The following DMTF1 variants were observed in gnomAD, a reference collection of about 807,000 sequenced individuals.
DMTF1 encodes the protein cyclin-D-binding Myb-like transcription factor 1.
DMTF1 carries 39 observed loss-of-function variants against 91.1 expected under a neutral mutation model. The observed-to-expected ratio is 0.43, with a 90% CI of 0.33 to 0.56. The LOEUF (loss-of-function observed/expected upper bound fraction) is 0.56, where lower values mean the gene tolerates loss of function less well. DMTF1 is among the 20% of genes least tolerant of loss of function. The probability of loss-of-function intolerance (pLI) is 0.05; values close to 1 mark genes in which losing one functional copy is unlikely to be tolerated. For synonymous variants in DMTF1, 338 were observed against 309.5 expected (o/e 1.09, Z -0.97); for missense variants, 750 against 914.5 (o/e 0.82, Z 2.32).
At chr7:87,176,284 C>G (rs1000132908) in intron 7 of DMTF1, among the ~76,000 whole-genome samples, 4 of 152,202 alleles carry the variant, frequency 2.6e-5, no homozygotes, top group African/African-American at 9.7e-5. Context: ...AACAGAAATA[C>G]AGTGGCCATT....
At chr7:87,185,709 C>CACGGGAA in intron 11 of DMTF1, 120 bp from the exon 12 acceptor site, 1 of 1,093,514 alleles carries the variant, frequency 9.1e-7, no homozygotes, top group Non-Finnish European at 1.4e-6. Context: ...TTAACAATAG[C>CACGGGAA]ATCTCATTGG....
At chr7:87,166,341 T>C in intron 3 of DMTF1, 142 bp from the exon 4 acceptor site, 1 of 750,256 alleles carries the variant, frequency 1.3e-6, no homozygotes, top group Admixed American at 2.9e-5. Flanking sequence ...TTTTGAATCC[T>C]GTTTGCACAA....
At position 87,193,317 on chromosome 7, in the gene DMTF1, T is replaced by A; in HGVS notation, c.1614T>A (p.Pro538=). Residue 538 remains proline (P), a synonymous_variant, in exon 15 of 18, where the codon CCT becomes CCA. Coordinates refer to ENST00000331242, the MANE Select transcript of DMTF1 (RefSeq NM_001142327.2). ...CAGTAACCCTGACAGCTGCTGCTCCTGCTTCTCCTGAACAGATTATTGTTC... is the reference window on the plus strand; with the variant it reads ...CAGTAACCCTGACAGCTGCTGCTCCAGCTTCTCCTGAACAGATTATTGTTC... ...SPTVTLTAAA[P]ASPEQIIVHA... 1 of 1,613,444 alleles carries A rather than the reference T, an allele frequency of 6.2e-7. No individual in the cohort carries two copies. Among genetic ancestry groups the A allele is most frequent in the Non-Finnish European group, 8.5e-7 (1 of 1,179,562 alleles).
At chr7:87,189,349 C>T (rs892893683) in intron 13 of DMTF1, among the ~76,000 whole-genome samples, 1 of 152,080 alleles carries the variant, frequency 6.6e-6, no homozygotes, top group African/African-American at 2.4e-5. Flanking sequence ...ATCTTTCTAC[C>T]AGTGTAATCA....
chr7:87,186,098 C>A, intron 12 of DMTF1, 118 bp downstream of exon 12: 1 of 1,034,134 alleles, frequency 9.7e-7, no homozygotes, highest in East Asian at 2.4e-5. Context: ...TTTCTACTTA[C>A]ACCACTTCCC....
intron 8 of DMTF1, among the ~76,000 whole-genome samples, chr7:87,180,519 C>G (rs146562878): frequency 4.3e-4 from 65 of 152,200 alleles, no homozygotes; most frequent in African/African-American, 1.5e-3. Flanking sequence ...GAGTACTTGC[C>G]TACTGTAATA....
At chr7:87,166,703 C>T (rs1009168168) in intron 4 of DMTF1, 98 bp downstream of exon 4, 5 of 1,180,042 alleles carry the variant, frequency 4.2e-6, no homozygotes, top group East Asian at 2.4e-5. Flanking sequence ...CTTGGACTTA[C>T]TGCTTTTTTC....
Position 87,173,541 on chromosome 7 carries a change from C to T in DMTF1, c.334C>T (p.Gln112Ter). ...TTACTTTTACCTTTTCAAGATTTTG[C>T]AGAATGAGCAACTAGATGAAATATC... is the stretch of plus-strand genomic sequence containing the variant. ...EGTVTQIQILQNEQLDEISPL... is the reference protein window; with the variant it reads ...EGTVTQIQIL The change falls in exon 6 of 18, where the codon CAG becomes TAG. Residue 112 changes from glutamine (Q) to a stop codon, truncating the protein, a stop_gained. Coordinates refer to ENST00000331242, the MANE Select transcript of DMTF1 (RefSeq NM_001142327.2). LOFTEE classifies it high-confidence loss of function. The T allele has an allele frequency of 1.9e-6, 3 of 1,590,596 alleles. No homozygotes were observed. Among genetic ancestry groups the T allele is most frequent in the South Asian group, 1.1e-5 (1 of 87,472 alleles).
chr7:87,165,052 T>C lies in DMTF1; in HGVS notation c.109+2T>C. The C allele has an allele frequency of 6.3e-7, 1 of 1,591,260 alleles. No homozygotes were observed. Among genetic ancestry groups the C allele is most frequent in the Non-Finnish European group, 8.6e-7 (1 of 1,162,664 alleles). On this transcript the variant is annotated splice_donor_variant, in intron 3 of 17. Coordinates refer to ENST00000331242, the MANE Select transcript of DMTF1 (RefSeq NM_001142327.2). LOFTEE classifies it high-confidence loss of function. ...TCATTCTTCACTGCCCTCAGAATGGTAGGAGAACTTGCTGACATATAATTC... is the reference window on the plus strand; with the variant it reads ...TCATTCTTCACTGCCCTCAGAATGGCAGGAGAACTTGCTGACATATAATTC...
intron 10 of DMTF1, 23 bp from the exon 11 acceptor site, chr7:87,184,374 T>G (rs1584409729): frequency 1.2e-6 from 2 of 1,605,794 alleles, no homozygotes; most frequent in Non-Finnish European, 1.7e-6. Flanking sequence ...GCAGTGGTAG[T>G]CTGGATGATT....
intron 4 of DMTF1, among the ~76,000 whole-genome samples, chr7:87,170,514 T>G (rs576720334): frequency 6.6e-6 from 1 of 152,216 alleles, no homozygotes; most frequent in Non-Finnish European, 1.5e-5. Context: ...ATGCCCTGTC[T>G]CAGAGCCTTT....
chr7:87,178,952 A>G (rs1796814193), intron 7 of DMTF1, among the ~76,000 whole-genome samples: 1 of 151,972 alleles, frequency 6.6e-6, no homozygotes, highest in Admixed American at 6.6e-5. Context: ...TGTCTCTTCC[A>G]GAGTCAGTTT....
At chr7:87,153,772 A>T (rs1457024563) in intron 1 of DMTF1, among the ~76,000 whole-genome samples, 2 of 152,218 alleles carry the variant, frequency 1.3e-5, no homozygotes, top group Non-Finnish European at 2.9e-5. Context: ...GCCATTTGGA[A>T]AATTTTAAAT....
At chr7:87,157,669 A>G (rs1238241794) in intron 1 of DMTF1, among the ~76,000 whole-genome samples, 2 of 152,084 alleles carry the variant, frequency 1.3e-5, no homozygotes, top group Non-Finnish European at 2.9e-5. Flanking sequence ...TCTTTAATTG[A>G]ATTCTGTGTT....
intron 9 of DMTF1, 139 bp downstream of exon 9, chr7:87,181,480 G>C (rs1480149338): frequency 2.1e-6 from 1 of 471,058 alleles, no homozygotes; most frequent in Non-Finnish European, 4.0e-6. Context: ...GCCTTAAAAA[G>C]ATCACATCAA....
chr7:87,179,638 C>T lies in DMTF1; in HGVS notation c.613C>T (p.Arg205Trp). 1 of 1,580,864 alleles carries T rather than the reference C, an allele frequency of 6.3e-7. No individual in the cohort carries two copies. Among genetic ancestry groups the T allele is most frequent in the Non-Finnish European group, 8.6e-7 (1 of 1,168,174 alleles). ...CAGGACTATAGCATGGGGTCTGAAC[C>T]GGCCTTTGTTTGCAGTTTATAGAAG... ...FYRTIAWGLNRPLFAVYRRVL... is the reference protein window; with the variant it reads ...FYRTIAWGLNWPLFAVYRRVL... The change falls in exon 8 of 18, where the codon CGG (arginine) becomes TGG (tryptophan). Residue 205 changes from arginine (R) to tryptophan (W), a missense_variant. Physicochemically the swap from Arg to Trp is moderately radical, Grantham distance 101. Transcript: ENST00000331242.
rs370040385 is a variant in DMTF1 at position 87,165,082 on chromosome 7, T to A, written c.109+32T>A. 16 of 1,480,010 alleles carry A rather than the reference T, an allele frequency of 1.1e-5. No homozygotes were observed. The African/African-American group carries it at 1.8e-4, about 17-fold the overall frequency. The allele number at this position is 1,480,010 out of a possible 1,614,324, so 91.7% of individuals were successfully genotyped here. ...GAACTTGCTGACATATAATTCTGAC[T>A]CTCTGAATTTATGAATTCCATGTCA... is the stretch of plus-strand genomic sequence containing the variant. On this transcript the variant is annotated intron_variant, in intron 3 of 17. Coordinates refer to ENST00000331242, the MANE Select transcript of DMTF1 (RefSeq NM_001142327.2).
rs1277996073 is a variant in DMTF1, at chr7:87,175,024, G to GTT, written c.519+368_519+369dup. Among the ~76,000 whole-genome samples, 562 of 138,194 alleles carry GTT rather than the reference G, an allele frequency of 4.1e-3. 2 individuals are homozygous for GTT. Among genetic ancestry groups the GTT allele is most frequent in the African/African-American group, 0.013 (512 of 38,156 alleles). The allele number at this position is 138,194 out of a possible 152,430, so 90.7% of individuals were successfully genotyped here. ...CTTTGTTTTGTTTTGTTTTGTTTTT[G>GTT]TTTTTTTTTTTTTTGAGACAGTCTT... On this transcript the variant is annotated intron_variant, in intron 7 of 17. Coordinates refer to ENST00000331242, the MANE Select transcript of DMTF1 (RefSeq NM_001142327.2).
chr7:87,163,624 C>G lies in DMTF1; in HGVS notation c.-9+7C>G, dbSNP rs942436987. ...TGATCCATCCGTTGTCTAGGTAAGT[C>G]TGCTTCTGTTGCAAGGATCTCACAT... is the stretch of plus-strand genomic sequence containing the variant. On this transcript the variant is annotated splice_region_variant and intron_variant, in intron 2 of 17. Coordinates refer to ENST00000331242, the MANE Select transcript of DMTF1 (RefSeq NM_001142327.2). 6.6e-6 allele frequency: 1 copy of G among 152,160 alleles called. No individual in the cohort carries two copies. Among genetic ancestry groups the G allele is most frequent in the African/African-American group, 2.4e-5 (1 of 41,432 alleles). The allele number at this position is 152,160 out of a possible 1,614,324, so 9.4% of individuals were successfully genotyped here. A position where few individuals can be genotyped will look rare whatever the true frequency, so the allele number is the denominator to read the frequency against.
Sources: gnomAD v4.1 joint callset for allele counts (sites outside exome capture counted in the v4.1 genomes callset) on GRCh38, gnomAD v4.1.1 for gene constraint, MANE v1.5 for transcripts, NCBI Gene and HGNC (gene_info 2026-07-23, HGNC 2026-07-21) for gene names.